The following DNM1L variants were observed in gnomAD, a reference collection of about 807,000 sequenced individuals.
DNM1L encodes dynamin 1L.
DNM1L carries 33 observed loss-of-function variants against 92.8 expected under a neutral mutation model. The ratio of observed to expected loss-of-function variants is 0.36; its 90% confidence interval spans 0.27 to 0.48. DNM1L has a LOEUF of 0.48. DNM1L is among the 20% of genes least tolerant of loss of function. DNM1L has a pLI of 0.99. For missense variants in DNM1L, 485 were observed against 888.8 expected (o/e 0.55, Z 5.78); for synonymous variants, 284 against 305.0 (o/e 0.93, Z 0.72).
chr12:32,734,866 T>C (rs144019440), intron 13 of DNM1L, among the ~76,000 whole-genome samples: 11 of 152,310 alleles, frequency 7.2e-5, no homozygotes, highest in African/African-American at 2.6e-4. Flanking sequence ...TTGGTGCTTA[T>C]TTTGCAGGGC....
At chr12:32,681,550 T>C (rs1396154548) in intron 1 of DNM1L, among the ~76,000 whole-genome samples, 3 of 149,068 alleles carry the variant, frequency 2.0e-5, no homozygotes, top group African/African-American at 7.5e-5. Flanking sequence ...ATAGAAACTA[T>C]TTTCTCCCCA....
intron 18 of DNM1L, among the ~76,000 whole-genome samples, chr12:32,740,920 CTCGTTCAGAATGTTTTT>C (rs1955241655): frequency 6.6e-6 from 1 of 152,090 alleles, no homozygotes; most frequent in Non-Finnish European, 1.5e-5. Context: ...TGTATTTTTT[CTCGTTCAGAATGTTTTT>C]TCATGTGTCT....
At chr12:32,700,260 C>T (rs1001556191) in intron 1 of DNM1L, among the ~76,000 whole-genome samples, 3 of 152,040 alleles carry the variant, frequency 2.0e-5, no homozygotes, top group Non-Finnish European at 4.4e-5. Context: ...GCTGGGATTA[C>T]AGGCGCGTGC....
intron 9 of DNM1L, chr12:32,726,357 C>G (rs1954138465): frequency 1.9e-6 from 3 of 1,567,206 alleles, no homozygotes. Flanking sequence ...GCAGGTTATC[C>G]TCAAGGCCAC....
intron 13 of DNM1L, chr12:32,736,892 T>C: frequency 1.8e-6 from 1 of 547,486 alleles, no homozygotes; most frequent in Non-Finnish European, 3.2e-6. Context: ...TATTGTATCC[T>C]TCAGGTGTGT....
intron 2 of DNM1L, chr12:32,706,942 G>T (rs758622294): frequency 7.3e-5 from 15 of 205,002 alleles, no homozygotes; most frequent in Non-Finnish European, 1.3e-4. Context: ...TACTCAGTGG[G>T]ATTCTTAATT....
At chr12:32,684,269 A>G (rs1431466400) in intron 1 of DNM1L, among the ~76,000 whole-genome samples, 1 of 152,234 alleles carries the variant, frequency 6.6e-6, no homozygotes, top group African/African-American at 2.4e-5. Flanking sequence ...ACTCTGATAC[A>G]GATGGTTCCT....
chr12:32,706,561 T>A (rs977199299), intron 2 of DNM1L: 1 of 369,662 alleles, frequency 2.7e-6, no homozygotes, highest in African/African-American at 2.1e-5. Flanking sequence ...TCTATTTTCC[T>A]TCTTTCAGCA....
chr12:32,687,541 C>T (rs564710685), intron 1 of DNM1L, among the ~76,000 whole-genome samples: 2 of 152,102 alleles, frequency 1.3e-5, no homozygotes, highest in Admixed American at 6.5e-5. Context: ...CTCCTGAGTT[C>T]AAGCGATTCT....
In DNM1L at chr12:32,731,478, G is replaced by A. The variant is rs372319705; in HGVS notation, c.1323G>A (p.Arg441=). 11 of 1,614,112 alleles carry A rather than the reference G, an allele frequency of 6.8e-6. No individual in the cohort carries two copies. The highest frequency in any genetic ancestry group is 9.3e-6 in the Non-Finnish European group (11 of 1,180,016). Residue 441 remains arginine (R), a synonymous_variant, in exon 11 of 20, where the codon AGG becomes AGA. Transcript: ENST00000549701. This position sits in a 1 kb window ranked among gnomAD's most constrained non-coding sequence, Gnocchi z 5.1. Reference sequence around the variant, plus strand: ...AACTGGTTCATGAGGAAATGCAAAGGATCATTCAGCACTGTAGCAATTACA... The same window carrying A: ...AACTGGTTCATGAGGAAATGCAAAGAATCATTCAGCACTGTAGCAATTACA... ...CVELVHEEMQ[R]IIQHCSNYST... is the part of the protein sequence containing the mutation.
At position 32,723,010 on chromosome 12, in the gene DNM1L, T is replaced by C. The variant is rs936605094; in HGVS notation, c.1079+377T>C. Among the ~76,000 whole-genome samples, 41 of 151,872 alleles carry C rather than the reference T, an allele frequency of 2.7e-4. 1 individual carries two copies. Among genetic ancestry groups the C allele is most frequent in the African/African-American group, 9.7e-4 (40 of 41,378 alleles). On this transcript the variant is annotated intron_variant, in intron 9 of 19. Transcript: ENST00000549701. ...ATTAGAAAATGCAGATAAGTAAAAA[T>C]AAAACATAAAAACAAAATTACATGT...
chr12:32,688,664 C>A (rs1253600388), intron 1 of DNM1L, among the ~76,000 whole-genome samples: 1 of 152,176 alleles, frequency 6.6e-6, no homozygotes, highest in Non-Finnish European at 1.5e-5. Flanking sequence ...GTTTATCCTG[C>A]TTTGAGTTCA....
chr12:32,730,517 A>G (rs1174522985), intron 9 of DNM1L, among the ~76,000 whole-genome samples: 1 of 152,264 alleles, frequency 6.6e-6, no homozygotes, highest in Non-Finnish European at 1.5e-5. Context: ...AGCCTGGCTA[A>G]CAAGCTATAC....
chr12:32,702,685 AT>A (rs35211502), intron 2 of DNM1L, among the ~76,000 whole-genome samples: 2 of 149,250 alleles, frequency 1.3e-5, no homozygotes, highest in Non-Finnish European at 3.0e-5. Context: ...GATGACTTGA[AT>A]TTTTTTTTTA....
intron 18 of DNM1L, 64 bp from the exon 19 acceptor site, chr12:32,742,525 C>T (rs1955380336): frequency 1.2e-6 from 2 of 1,603,142 alleles, no homozygotes; most frequent in South Asian, 1.1e-5. Context: ...AGGTTAGCAT[C>T]TAAGCCCAAA....
At position 32,717,366 on chromosome 12, in the gene DNM1L, A is replaced by C. The variant is rs534052876; in HGVS notation, c.620-1277A>C. On this transcript the variant is annotated intron_variant, in intron 6 of 19. Coordinates refer to ENST00000549701, the MANE Select transcript of DNM1L (RefSeq NM_012062.5). ...CTATATATTATATATAGTATATATA[A>C]TATATATACTATATATAATATATAG... Among the ~76,000 whole-genome samples, 104 of 63,356 alleles carry C rather than the reference A, an allele frequency of 1.6e-3. 2 individuals carry two copies. The highest frequency in any genetic ancestry group is 6.6e-3 in the African/African-American group (91 of 13,734). 41.6% of individuals were successfully genotyped at this position (63,356 alleles called of 152,430 possible).
At position 32,731,526 on chromosome 12, in the gene DNM1L, TG is replaced by T; in HGVS notation, c.1356+16del. On this transcript the variant is annotated intron_variant, in intron 11 of 19. Coordinates refer to ENST00000549701, the MANE Select transcript of DNM1L (RefSeq NM_012062.5). The surrounding 1 kb of genome is among the most constrained non-coding windows in gnomAD (Gnocchi z 5.1). Reference sequence around the variant, plus strand: ...ACAGTACACAGGTAACGGAGAGAAATGTAACAGGTTTCACATGAACTAGAAA... The same window carrying T: ...ACAGTACACAGGTAACGGAGAGAAATTAACAGGTTTCACATGAACTAGAAA... The T allele has an allele frequency of 6.2e-7, 1 of 1,613,724 alleles. No individual in the cohort carries two copies. The highest frequency in any genetic ancestry group is 8.5e-7 in the Non-Finnish European group (1 of 1,179,966).
chr12:32,718,002 TAA>T (rs1230189703), intron 6 of DNM1L, among the ~76,000 whole-genome samples: 2 of 109,408 alleles, frequency 1.8e-5, no homozygotes, highest in African/African-American at 3.4e-5. Flanking sequence ...ATAGTATATA[TAA>T]TATATATAGT....
intron 6 of DNM1L, among the ~76,000 whole-genome samples, chr12:32,717,249 GTATATATAGTATATATATACTATATAT>G (rs1953445407): frequency 2.2e-5 from 2 of 92,894 alleles, no homozygotes; most frequent in African/African-American, 4.6e-5. Context: ...TTTATATATA[GTATATATAGTATATATATACTATATAT>G]TATATATACA....
Sources: gnomAD v4.1 joint callset for allele counts (sites outside exome capture counted in the v4.1 genomes callset) on GRCh38, gnomAD v4.1.1 for gene constraint, Gnocchi (gnomAD v3.1) non-coding constraint, MANE v1.5 for transcripts, NCBI Gene and HGNC (gene_info 2026-07-23, HGNC 2026-07-21) for gene names.